Variants in AGBL4 observed in about 807,000 individuals in gnomAD.
AGBL4 encodes cytosolic carboxypeptidase 6.
A neutral mutation model predicts 66.4 loss-of-function variants in AGBL4; 58 were observed. The ratio of observed to expected loss-of-function variants is 0.87; its 90% CI spans 0.71 to 1.09. The LOEUF (loss-of-function observed/expected upper bound fraction) is 1.09, where lower values mean the gene tolerates loss of function less well. AGBL4 is among the 50% of genes least tolerant of loss of function. The probability of loss-of-function intolerance (pLI) is 0.00; values close to 1 mark genes in which losing one functional copy is unlikely to be tolerated. For missense variants in AGBL4, 579 were observed against 631.0 expected (o/e 0.92, Z 0.88); for synonymous variants, 234 against 222.9 (o/e 1.05, Z -0.44).
At chr1:50,002,294 A>G (rs1160390028) in intron 1 of AGBL4, among the ~76,000 whole-genome samples, 1 of 150,000 alleles carries the variant, frequency 6.7e-6, no homozygotes, top group African/African-American at 2.5e-5. Context: ...ACAATACCCC[A>G]GTGTTAGCTG....
chr1:48,903,946 A>C (rs1242179147), intron 5 of AGBL4, among the ~76,000 whole-genome samples: 1 of 152,196 alleles, frequency 6.6e-6, no homozygotes, highest in African/African-American at 2.4e-5. Flanking sequence ...CTGTAGATGA[A>C]GAAAAGCTAA....
Position 48,667,800 on chromosome 1 carries a change from T to C in AGBL4, c.635-4559A>G, listed in dbSNP as rs542016941. Among the ~76,000 whole-genome samples the C allele has an allele frequency of 1.9e-4, 29 of 152,288 alleles. No homozygotes were observed. In the South Asian group the frequency reaches 5.8e-3, roughly 30 times the overall value. On this transcript the variant is annotated intron_variant, in intron 6 of 13. Transcript: ENST00000371839. ...TATTTGGCCAGTTATTATGGATCTG[T>C]TGCTGGTAGAGGTAGATGCCAAGAG... is the stretch of plus-strand genomic sequence containing the variant.
chr1:48,972,942 G>A (rs1261467425), intron 5 of AGBL4, among the ~76,000 whole-genome samples: 3 of 152,072 alleles, frequency 2.0e-5, no homozygotes, highest in African/African-American at 7.2e-5. Flanking sequence ...TTTTGATGTA[G>A]GTATTACCAG....
chr1:48,866,351 A>G (rs953479658), intron 6 of AGBL4, among the ~76,000 whole-genome samples: 2 of 152,152 alleles, frequency 1.3e-5, no homozygotes, highest in African/African-American at 4.8e-5. Context: ...CCGTATGACC[A>G]CTGTGCCACA....
chr1:49,120,962 C>T (rs1474144230), intron 4 of AGBL4, among the ~76,000 whole-genome samples: 1 of 152,156 alleles, frequency 6.6e-6, no homozygotes, highest in Non-Finnish European at 1.5e-5. Context: ...ATTTGATCTT[C>T]AATCACTGAT....
At chr1:49,075,159 T>C (rs140856950) in intron 4 of AGBL4, among the ~76,000 whole-genome samples, 80 of 152,340 alleles carry the variant, frequency 5.3e-4, no homozygotes, top group Non-Finnish European at 6.5e-4. Context: ...ATGTCTGTAG[T>C]TCTTCTAGGT....
chr1:49,500,543 G>T (rs1648052239), intron 3 of AGBL4, among the ~76,000 whole-genome samples: 2 of 151,872 alleles, frequency 1.3e-5, no homozygotes, highest in Non-Finnish European at 2.9e-5. Flanking sequence ...CTCACCTTGA[G>T]TTGGTTTTTG....
intron 3 of AGBL4, among the ~76,000 whole-genome samples, chr1:49,468,983 T>C (rs1056672004): frequency 6.6e-6 from 1 of 151,826 alleles, no homozygotes; most frequent in Admixed American, 6.6e-5. Context: ...ATCTGTCTCA[T>C]CAAACGACTT....
chr1:49,479,273 A>T (rs1646905448), intron 3 of AGBL4, among the ~76,000 whole-genome samples: 1 of 152,010 alleles, frequency 6.6e-6, no homozygotes, highest in Non-Finnish European at 1.5e-5. Flanking sequence ...AACTACAAAT[A>T]CAATGAAATA....
At chr1:49,660,496 G>A (rs1460255748) in intron 3 of AGBL4, among the ~76,000 whole-genome samples, 1 of 152,178 alleles carries the variant, frequency 6.6e-6, no homozygotes, top group African/African-American at 2.4e-5. Flanking sequence ...CTTTTACACT[G>A]TTGGTAGGAA....
chr1:49,692,130 A>T (rs1459853040), intron 3 of AGBL4, among the ~76,000 whole-genome samples: 1 of 152,090 alleles, frequency 6.6e-6, no homozygotes, highest in Non-Finnish European at 1.5e-5. Flanking sequence ...ACACAGCCAA[A>T]CCATATTAGT....
chr1:49,898,092 C>T, intron 1 of AGBL4, among the ~76,000 whole-genome samples: 1 of 151,916 alleles, frequency 6.6e-6, no homozygotes, highest in Non-Finnish European at 1.5e-5. Flanking sequence ...AACAGGTAAC[C>T]AAAGCAAAAA....
intron 2 of AGBL4, among the ~76,000 whole-genome samples, chr1:49,724,828 A>G (rs997975740): frequency 4.6e-5 from 7 of 152,156 alleles, no homozygotes; most frequent in African/African-American, 1.7e-4. Context: ...GAAGAAGGTC[A>G]GGAAGGTAGC....
intron 3 of AGBL4, among the ~76,000 whole-genome samples, chr1:49,317,365 A>T (rs1307951774): frequency 6.6e-6 from 1 of 151,908 alleles, no homozygotes; most frequent in Non-Finnish European, 1.5e-5. Flanking sequence ...ATTTTGTGGA[A>T]TAAGTGAGAC....
chr1:48,549,518 T>C (rs1644218311), intron 11 of AGBL4, among the ~76,000 whole-genome samples: 2 of 150,386 alleles, frequency 1.3e-5, no homozygotes, highest in Middle Eastern at 3.4e-3. Context: ...GAGAGATGGA[T>C]TAGAGGGTCA....
At chr1:49,651,856 C>T (rs890215771) in intron 3 of AGBL4, among the ~76,000 whole-genome samples, 3 of 151,854 alleles carry the variant, frequency 2.0e-5, no homozygotes, top group African/African-American at 7.3e-5. Flanking sequence ...ACAATGGATC[C>T]TGACCAAAAT....
rs1646306298 is a variant in AGBL4 at position 49,851,524 on chromosome 1, T to TA, written c.35-7dup. ...ATCATTTCCCATATCATTGCCTATTTAAAAAAATTGAAATAAAAGTCAAAG... is the reference window on the plus strand; with the variant it reads ...ATCATTTCCCATATCATTGCCTATTTAAAAAAAATTGAAATAAAAGTCAAAG... On this transcript the variant is annotated splice_region_variant and splice_polypyrimidine_tract_variant and intron_variant, in intron 1 of 13. Transcript: ENST00000371839. The TA allele has an allele frequency of 6.5e-7, 1 of 1,543,530 alleles. No homozygotes were observed. Among genetic ancestry groups the TA allele is most frequent in the Non-Finnish European group, 8.7e-7 (1 of 1,144,292 alleles).
chr1:49,280,657 A>C (rs972592217), intron 3 of AGBL4, among the ~76,000 whole-genome samples: 1 of 152,252 alleles, frequency 6.6e-6, no homozygotes, highest in Non-Finnish European at 1.5e-5. Flanking sequence ...GTATAGACAA[A>C]GTAACACAGT....
chr1:49,960,243 G>A (rs2148342018), intron 1 of AGBL4, among the ~76,000 whole-genome samples: 1 of 152,038 alleles, frequency 6.6e-6, no homozygotes, highest in Admixed American at 6.6e-5. Context: ...CCATAAAAAA[G>A]AATAAAATCA....
Sources: gnomAD v4.1 joint callset for allele counts (sites outside exome capture counted in the v4.1 genomes callset) on GRCh38, gnomAD v4.1.1 for gene constraint, MANE v1.5 for transcripts, NCBI Gene and HGNC (gene_info 2026-07-23, HGNC 2026-07-21) for gene names.